The following ANTXR1 variants were observed in gnomAD, a reference collection of about 807,000 sequenced individuals.
ANTXR1 encodes ANTXR cell adhesion molecule 1.
In ANTXR1, 19 loss-of-function variants were observed where a neutral mutation model predicts 78.1. The observed-to-expected ratio is 0.24, with a 90% CI of 0.17 to 0.36. The LOEUF (loss-of-function observed/expected upper bound fraction) is 0.36. ANTXR1 is among the 10% of genes least tolerant of loss of function. The probability of loss-of-function intolerance (pLI) is 1.00; values close to 1 mark genes in which losing one functional copy is unlikely to be tolerated. For missense variants in ANTXR1, 518 were observed against 718.6 expected, an observed-to-expected ratio of 0.72 and a Z score of 3.19; for synonymous variants, 273 against 260.5, an observed-to-expected ratio of 1.05 and a Z score of -0.46.
At chr2:69,093,801 C>A (rs1353298943) in intron 9 of ANTXR1, among the ~76,000 whole-genome samples, 1 of 152,156 alleles carries the variant, frequency 6.6e-6, no homozygotes, top group Non-Finnish European at 1.5e-5. Flanking sequence ...TGCAATATTA[C>A]ATATTTTATA....
chr2:69,149,785 T>C (rs1471679467), intron 12 of ANTXR1, among the ~76,000 whole-genome samples: 1 of 152,222 alleles, frequency 6.6e-6, no homozygotes, highest in East Asian at 1.9e-4. Flanking sequence ...TATCTTCCTG[T>C]TATGAATGTG....
intron 17 of ANTXR1, among the ~76,000 whole-genome samples, chr2:69,241,915 G>A (rs373101656): frequency 2.6e-5 from 4 of 152,114 alleles, no homozygotes; most frequent in Non-Finnish European, 4.4e-5. Context: ...AGTGACAGGC[G>A]GTATGATTAC....
chr2:69,034,268 T>C (rs996251791), intron 1 of ANTXR1, among the ~76,000 whole-genome samples: 1 of 152,242 alleles, frequency 6.6e-6, no homozygotes, highest in Non-Finnish European at 1.5e-5. Flanking sequence ...TCCCTCCCCA[T>C]GGTCTAGTGA....
intron 6 of ANTXR1, 65 bp from the exon 7 acceptor site, chr2:69,075,525 T>C (rs1397783653): frequency 2.7e-6 from 4 of 1,483,458 alleles, no homozygotes; most frequent in Non-Finnish European, 3.8e-6. Flanking sequence ...GTTAGTCAGG[T>C]AGCTCCAAGA....
intron 10 of ANTXR1, among the ~76,000 whole-genome samples, chr2:69,122,538 G>A (rs184093306): frequency 7.2e-5 from 11 of 152,280 alleles, no homozygotes; most frequent in Admixed American, 5.9e-4. Context: ...TCAGGCAGGA[G>A]CACTTGAGTT....
chr2:69,182,838 A>T, intron 16 of ANTXR1, 178 bp downstream of exon 16: 2 of 814,228 alleles, frequency 2.5e-6, no homozygotes, highest in South Asian at 3.4e-5. Context: ...ATTTCCACAT[A>T]ATCTGGGTTG....
At chr2:69,141,706 T>G (rs1673074385) in intron 12 of ANTXR1, among the ~76,000 whole-genome samples, 1 of 152,264 alleles carries the variant, frequency 6.6e-6, no homozygotes, top group African/African-American at 2.4e-5. Flanking sequence ...AATGAATGTG[T>G]CAAAATGGGT....
intron 3 of ANTXR1, among the ~76,000 whole-genome samples, chr2:69,055,637 A>C (rs1433935238): frequency 6.6e-6 from 1 of 152,144 alleles, no homozygotes; most frequent in Non-Finnish European, 1.5e-5. Flanking sequence ...ACTTCTTTTA[A>C]GTTCTTTTAT....
At chr2:69,059,544 T>A (rs1257378177) in intron 3 of ANTXR1, among the ~76,000 whole-genome samples, 1 of 152,040 alleles carries the variant, frequency 6.6e-6, no homozygotes, top group Non-Finnish European at 1.5e-5. Flanking sequence ...AATGGCACGA[T>A]CTTGGCTCAC....
chr2:69,140,378 T>C (rs565290594), intron 12 of ANTXR1, among the ~76,000 whole-genome samples: 5 of 152,342 alleles, frequency 3.3e-5, no homozygotes, highest in Non-Finnish European at 7.3e-5. Flanking sequence ...AACCATATGC[T>C]TTCTCCAACA....
rs2103969557 is a variant in ANTXR1, at chr2:69,013,745, A to G, written c.152+94A>G. 6.5e-7 allele frequency: 1 copy of G among 1,542,796 alleles called. No individual in the cohort carries two copies. The stretch of plus-strand genomic sequence containing the variant: ...CTCGTTGGCAGGGTCGCCTGGGGAC[A>G]GGAGCGCATCTCCAGGGCCACAGAG... On this transcript the variant is annotated intron_variant, in intron 1 of 17. Coordinates refer to ENST00000303714, the MANE Select transcript of ANTXR1 (RefSeq NM_032208.3). The surrounding 1 kb of genome is among the most constrained non-coding windows in gnomAD (Gnocchi z 5.0).
At chr2:69,227,634 C>T (rs1011783854) in intron 17 of ANTXR1, among the ~76,000 whole-genome samples, 3 of 152,140 alleles carry the variant, frequency 2.0e-5, no homozygotes, top group Admixed American at 2.0e-4. Flanking sequence ...AATAAACTGT[C>T]CAGGATCAAC....
chr2:69,145,776 A>T (rs1673208059), intron 12 of ANTXR1: 3 of 1,012,948 alleles, frequency 3.0e-6, no homozygotes, highest in Non-Finnish European at 3.5e-6. Flanking sequence ...AAGGAGCAGC[A>T]GTGTTTGATA....
intron 1 of ANTXR1, among the ~76,000 whole-genome samples, chr2:69,031,266 G>C (rs1200179801): frequency 2.6e-5 from 4 of 152,124 alleles, no homozygotes; most frequent in African/African-American, 9.7e-5. Flanking sequence ...TCATTTCAAA[G>C]GGCCTGGCCC....
intron 1 of ANTXR1, among the ~76,000 whole-genome samples, chr2:69,028,232 G>C (rs1671411558): frequency 6.6e-6 from 1 of 152,138 alleles, no homozygotes; most frequent in Non-Finnish European, 1.5e-5. Context: ...TGCAGATTAA[G>C]TAGGCTCACC....
chr2:69,160,063 A>G (rs896527722), intron 13 of ANTXR1, among the ~76,000 whole-genome samples: 6 of 152,240 alleles, frequency 3.9e-5, no homozygotes, highest in Non-Finnish European at 8.8e-5. Flanking sequence ...TGATGCAGGC[A>G]TCTTGGGCCT....
intron 12 of ANTXR1, among the ~76,000 whole-genome samples, chr2:69,150,801 A>C (rs1673370991): frequency 6.6e-6 from 1 of 152,074 alleles, no homozygotes; most frequent in African/African-American, 2.4e-5. Flanking sequence ...GAAGAATCAC[A>C]TGAGCCCAGG....
At chr2:69,091,256 A>G (rs935699036) in intron 9 of ANTXR1, among the ~76,000 whole-genome samples, 2 of 152,008 alleles carry the variant, frequency 1.3e-5, no homozygotes, top group Non-Finnish European at 1.5e-5. Flanking sequence ...CCTGGCCAAC[A>G]TGGTTAAACC....
At chr2:69,235,366 G>C (rs1023920148) in intron 17 of ANTXR1, among the ~76,000 whole-genome samples, 6 of 151,972 alleles carry the variant, frequency 3.9e-5, no homozygotes, top group African/African-American at 1.4e-4. Flanking sequence ...TAGACTCTAT[G>C]GGCCAGGGGC....
Sources: gnomAD v4.1 joint callset for allele counts (sites outside exome capture counted in the v4.1 genomes callset) on GRCh38, gnomAD v4.1.1 for gene constraint, Gnocchi (gnomAD v3.1) non-coding constraint, MANE v1.5 for transcripts, NCBI Gene and HGNC (gene_info 2026-07-23, HGNC 2026-07-21) for gene names.